Variants in DENND4C observed in about 807,000 individuals in gnomAD.
The protein encoded by DENND4C is DENN domain-containing protein 4C.
Under a neutral mutation model 203.0 loss-of-function variants are expected in DENND4C, and 108 were observed. The observed-to-expected ratio is 0.53, with a 90% CI of 0.46 to 0.62. The LOEUF (loss-of-function observed/expected upper bound fraction) is 0.62. Ranked by LOEUF, DENND4C falls within the 20% of genes least tolerant of loss-of-function variation. The pLI, the probability that DENND4C is intolerant of heterozygous loss-of-function variation, is 0.00. For synonymous variants in DENND4C, 871 were observed against 792.4 expected (o/e 1.10, Z -1.67); for missense variants, 2,481 against 2,301.2 (o/e 1.08, Z -1.60).
At chr9:19,353,002 A>T (rs1184396111) in intron 26 of DENND4C, among the ~76,000 whole-genome samples, 1 of 151,926 alleles carries the variant, frequency 6.6e-6, no homozygotes, top group East Asian at 1.9e-4. Flanking sequence ...TGGGCATGGT[A>T]GTGTGCACCT....
rs202098388 is a variant in DENND4C at position 19,336,333 on chromosome 9, C to T, written c.2653C>T (p.Arg885Trp). Residue 885 changes from arginine to tryptophan, a missense_variant, in exon 19 of 33, where the codon CGG (arginine) becomes TGG (tryptophan). Physicochemically the swap from Arg to Trp is moderately radical, Grantham distance 101. This residue lies in a region of DENND4C where 2,289 missense variants were observed against 2,113.3 expected (regional missense o/e 1.08). Transcript: ENST00000434457. ...RSGIFLWTKV[R>W]NVVRGLAQFR... ...TGGTATTTTCTTATGGACGAAGGTACGGAATGTGGTACGTGGCTTGGCACA... is the reference window on the plus strand; with the variant it reads ...TGGTATTTTCTTATGGACGAAGGTATGGAATGTGGTACGTGGCTTGGCACA... The T allele has an allele frequency of 2.2e-5, 35 of 1,613,946 alleles. No homozygotes were observed. The highest frequency in any genetic ancestry group is 4.5e-5 in the East Asian group (2 of 44,870).
intron 12 of DENND4C, among the ~76,000 whole-genome samples, chr9:19,320,207 T>C (rs1842647304): frequency 1.3e-5 from 2 of 152,160 alleles, no homozygotes; most frequent in Non-Finnish European, 2.9e-5. Context: ...AACATCTTTT[T>C]TTTTTTTTAA....
At chr9:19,287,147 CT>C in intron 3 of DENND4C, 126 bp downstream of exon 3, 1 of 910,796 alleles carries the variant, frequency 1.1e-6, no homozygotes, top group Non-Finnish European at 1.4e-6. Flanking sequence ...TTTATTTTTC[CT>C]AATTTTTATG....
chr9:19,287,200 A>G (rs951646077), intron 3 of DENND4C, among the ~76,000 whole-genome samples, 179 bp downstream of exon 3: 14 of 152,162 alleles, frequency 9.2e-5, no homozygotes, highest in Non-Finnish European at 1.6e-4. Flanking sequence ...GATTTATAAT[A>G]ATTTCATCTT....
chr9:19,255,730 C>CTGAT (rs2131671197), intron 1 of DENND4C, among the ~76,000 whole-genome samples: 1 of 152,186 alleles, frequency 6.6e-6, no homozygotes, highest in Non-Finnish European at 1.5e-5. Flanking sequence ...GAAGCAAAAA[C>CTGAT]TGATAGACTG....
At chr9:19,319,910 GC>G (rs1842598128) in intron 12 of DENND4C, among the ~76,000 whole-genome samples, 1 of 151,920 alleles carries the variant, frequency 6.6e-6, no homozygotes, top group African/African-American at 2.4e-5. Flanking sequence ...TTAAGTTTGG[GC>G]CCAAAAAAAG....
intron 30 of DENND4C, among the ~76,000 whole-genome samples, chr9:19,363,156 G>C (rs906873396): frequency 2.0e-5 from 3 of 152,174 alleles, no homozygotes; most frequent in African/African-American, 7.2e-5. Flanking sequence ...CTCTGTGTGT[G>C]TGCATGCACA....
intron 2 of DENND4C, among the ~76,000 whole-genome samples, chr9:19,280,471 G>T (rs543556715): frequency 5.1e-4 from 77 of 152,234 alleles, no homozygotes; most frequent in African/African-American, 1.8e-3. Context: ...TTGAGAAGAA[G>T]AAAGTAAGTT....
intron 4 of DENND4C, among the ~76,000 whole-genome samples, chr9:19,290,403 A>G (rs1429948674): frequency 6.6e-6 from 1 of 152,224 alleles, no homozygotes; most frequent in African/African-American, 2.4e-5. Context: ...ACCATTTTCC[A>G]CAAGGTGTTG....
At chr9:19,338,564 C>A (rs756298706) in intron 20 of DENND4C, among the ~76,000 whole-genome samples, 4 of 152,120 alleles carry the variant, frequency 2.6e-5, no homozygotes, top group Non-Finnish European at 5.9e-5. Context: ...CTGGCGATGC[C>A]ATTTGATGCT....
chr9:19,319,346 ATATACT>A (rs1442221213), intron 12 of DENND4C, among the ~76,000 whole-genome samples: 27 of 56,050 alleles, frequency 4.8e-4, no homozygotes, highest in African/African-American at 1.2e-3. Flanking sequence ...ACACATATAT[ATATACT>A]TATATATACA....
At position 19,244,483 on chromosome 9, in the gene DENND4C, G is replaced by C. The variant is rs189234000; in HGVS notation, c.-18+13650G>C. Among the ~76,000 whole-genome samples the C allele has an allele frequency of 5.2e-3, 790 of 152,020 alleles. 21 individuals carry two copies. Among genetic ancestry groups the C allele is most frequent in the Admixed American group, 0.047 (715 of 15,262 alleles). ...TGGCCGGGCGTGGTGGCTCACACCTGTAATCCCAGCACTTTGGGAGGCTGA... is the reference window on the plus strand; with the variant it reads ...TGGCCGGGCGTGGTGGCTCACACCTCTAATCCCAGCACTTTGGGAGGCTGA... On this transcript the variant is annotated intron_variant, in intron 1 of 32. Transcript: ENST00000434457.
intron 9 of DENND4C, among the ~76,000 whole-genome samples, chr9:19,301,948 T>C (rs1838681501): frequency 1.3e-5 from 2 of 152,016 alleles, no homozygotes; most frequent in Admixed American, 6.6e-5. Context: ...AAAAAATAAG[T>C]TCCCACCAAA....
chr9:19,257,088 A>G (rs1305121454), intron 1 of DENND4C, among the ~76,000 whole-genome samples: 1 of 151,826 alleles, frequency 6.6e-6, no homozygotes, highest in Non-Finnish European at 1.5e-5. Context: ...AAAAGGAAAT[A>G]TATTTTGATC....
At chr9:19,354,967 T>C (rs9777533) in intron 26 of DENND4C, among the ~76,000 whole-genome samples, 6,333 of 151,086 alleles carry the variant, frequency 0.042, 433 homozygotes, top group African/African-American at 0.14. Context: ...TGGAGTACAG[T>C]GGCGCAATCT....
intron 12 of DENND4C, among the ~76,000 whole-genome samples, chr9:19,319,379 T>TACATATATATACATATATATATACAC (rs1842454952): frequency 2.0e-4 from 21 of 105,834 alleles, no homozygotes; most frequent in African/African-American, 4.9e-4. Flanking sequence ...TATATACACA[T>TACATATATATACATATATATATACAC]ACATATATAT....
At chr9:19,248,499 C>T (rs1476773320) in intron 1 of DENND4C, among the ~76,000 whole-genome samples, 1 of 152,104 alleles carries the variant, frequency 6.6e-6, no homozygotes, top group Non-Finnish European at 1.5e-5. Flanking sequence ...AAGCGATTCT[C>T]CTGCCTCAGC....
At chr9:19,262,497 T>C (rs1829633230) in intron 1 of DENND4C, among the ~76,000 whole-genome samples, 1 of 151,168 alleles carries the variant, frequency 6.6e-6, no homozygotes, top group Admixed American at 6.6e-5. Flanking sequence ...AGTGGTGCTA[T>C]CTCGGCTCTC....
chr9:19,277,910 C>T (rs1048175940), intron 2 of DENND4C, among the ~76,000 whole-genome samples: 4 of 152,060 alleles, frequency 2.6e-5, no homozygotes, highest in African/African-American at 9.7e-5. Context: ...TTGAGATGAT[C>T]ATGTATTTTT....
Sources: allele counts gnomAD v4.1 joint callset (sites outside exome capture counted in the v4.1 genomes callset), GRCh38; gene constraint gnomAD v4.1.1; regional missense constraint gnomAD v4.1.1; transcripts MANE v1.5; gene names NCBI Gene and HGNC (gene_info 2026-07-23, HGNC 2026-07-21).